The following PTPRD variants were observed in gnomAD, a reference collection of about 807,000 sequenced individuals.
The protein encoded by PTPRD is receptor-type tyrosine-protein phosphatase delta.
A neutral mutation model predicts 214.5 loss-of-function variants in PTPRD; 34 were observed. The observed-to-expected ratio is 0.16, with a 90% CI of 0.12 to 0.21. The LOEUF (loss-of-function observed/expected upper bound fraction) is 0.21. PTPRD is among the 10% of genes least tolerant of loss of function. The pLI is 1.00. For missense variants in PTPRD, 2,545 were observed against 2,398.7 expected (o/e 1.06, Z -1.27); for synonymous variants, 1,128 against 845.7 (o/e 1.33, Z -5.79).
At chr9:8,780,186 AT>A (rs1310482151) in intron 11 of PTPRD, among the ~76,000 whole-genome samples, 1 of 152,352 alleles carries the variant, frequency 6.6e-6, no homozygotes, top group Admixed American at 6.5e-5. Context: ...ACACAAAATT[AT>A]AAAGTATAAT....
intron 11 of PTPRD, among the ~76,000 whole-genome samples, chr9:8,992,074 C>G (rs1287923422): frequency 2.6e-5 from 4 of 152,176 alleles, no homozygotes; most frequent in Middle Eastern, 3.4e-3. Flanking sequence ...ATTTACCTTC[C>G]TTTAATAGTC....
intron 5 of PTPRD, among the ~76,000 whole-genome samples, chr9:9,823,789 C>G (rs753171695): frequency 3.3e-5 from 5 of 151,920 alleles, no homozygotes; most frequent in Non-Finnish European, 5.9e-5. Flanking sequence ...GAAATAAAAT[C>G]TAGTGTTCAG....
chr9:10,516,716 C>T (rs2050234721), intron 2 of PTPRD, among the ~76,000 whole-genome samples: 1 of 151,910 alleles, frequency 6.6e-6, no homozygotes, highest in Admixed American at 6.6e-5. Context: ...GTCTCATGTT[C>T]AACCCTTTAA....
chr9:9,282,175 G>A (rs972014980), intron 9 of PTPRD, among the ~76,000 whole-genome samples: 1 of 151,256 alleles, frequency 6.6e-6, no homozygotes, highest in Non-Finnish European at 1.5e-5. Flanking sequence ...TGTAATGGTG[G>A]ACACATGCCA....
intron 4 of PTPRD, among the ~76,000 whole-genome samples, chr9:10,018,931 T>A (rs906744400): frequency 1.3e-5 from 2 of 152,124 alleles, no homozygotes; most frequent in African/African-American, 4.8e-5. Flanking sequence ...ACAAATGGGA[T>A]CTAATTAAAC....
chr9:8,869,664 C>T (rs1339746241), intron 11 of PTPRD, among the ~76,000 whole-genome samples: 1 of 151,274 alleles, frequency 6.6e-6, no homozygotes, highest in Non-Finnish European at 1.5e-5. Flanking sequence ...CAGATTCTGG[C>T]ATTTCCTAAG....
chr9:8,823,646 T>C (rs532627821), intron 11 of PTPRD, among the ~76,000 whole-genome samples: 10 of 149,422 alleles, frequency 6.7e-5, no homozygotes, highest in African/African-American at 2.2e-4. Context: ...AGTGAGACCC[T>C]GTTTCAAAAA....
At chr9:9,434,386 T>C (rs1032927983) in intron 8 of PTPRD, among the ~76,000 whole-genome samples, 13 of 152,112 alleles carry the variant, frequency 8.5e-5, no homozygotes, top group Admixed American at 5.2e-4. Context: ...AATGGTAGGG[T>C]ATCCTGTGTT....
intron 8 of PTPRD, among the ~76,000 whole-genome samples, chr9:9,488,917 G>A (rs1321579142): frequency 6.6e-6 from 1 of 152,030 alleles, no homozygotes; most frequent in East Asian, 1.9e-4. Flanking sequence ...CCAAATATAT[G>A]GGATCTTTGC....
chr9:10,417,540 A>G (rs2098503688), intron 2 of PTPRD, among the ~76,000 whole-genome samples: 1 of 151,914 alleles, frequency 6.6e-6, no homozygotes, highest in Non-Finnish European at 1.5e-5. Flanking sequence ...TTAGCTTAAA[A>G]GAAACTAAAT....
chr9:10,283,885 C>G (rs1279029337), intron 3 of PTPRD, among the ~76,000 whole-genome samples: 1 of 152,132 alleles, frequency 6.6e-6, no homozygotes, highest in Non-Finnish European at 1.5e-5. Context: ...GACTAGAATT[C>G]ACAAGTCCTA....
intron 6 of PTPRD, among the ~76,000 whole-genome samples, chr9:9,735,523 T>G (rs2098277216): frequency 6.6e-6 from 1 of 152,088 alleles, no homozygotes; most frequent in African/African-American, 2.4e-5. Context: ...TGCATCTTAC[T>G]GTCAGAAAAT....
intron 9 of PTPRD, among the ~76,000 whole-genome samples, chr9:9,275,819 C>CTGTGTG (rs879644613): frequency 3.9e-4 from 58 of 147,444 alleles, no homozygotes; most frequent in African/African-American, 1.4e-3. Flanking sequence ...AGCGAAACAG[C>CTGTGTG]TGTGTGTGTG....
chr9:8,931,179 T>C (rs1445216217), intron 11 of PTPRD, among the ~76,000 whole-genome samples: 7 of 151,970 alleles, frequency 4.6e-5, no homozygotes, highest in Non-Finnish European at 1.0e-4. Flanking sequence ...TTTCTACATA[T>C]GCCTAGCCAG....
chr9:8,411,839 T>A (rs1017806119), intron 35 of PTPRD, among the ~76,000 whole-genome samples: 3 of 152,184 alleles, frequency 2.0e-5, no homozygotes, highest in Non-Finnish European at 4.4e-5. Flanking sequence ...ATCTTTGAAT[T>A]CTATATAGTT....
rs36233452 is a variant in PTPRD, at chr9:9,009,408, C to CTATTT, written c.-104+9284_-104+9288dup. 2.9e-3 allele frequency among the ~76,000 whole-genome samples: 443 copies of CTATTT among 151,444 alleles called. 2 individuals are homozygous for CTATTT. The highest frequency in any genetic ancestry group is 0.023 in the East Asian group (116 of 5,062). ...GCTCCACAAATTTCAGCAGTTCTTT[C>CTATTT]TATTTTATTTTATTTTATTTTATTT... On this transcript the variant is annotated intron_variant, in intron 11 of 45. Coordinates refer to ENST00000381196, the MANE Select transcript of PTPRD (RefSeq NM_002839.4).
rs1181403459 is a variant in PTPRD, at chr9:8,936,427, C to CAAAAAAAAAAAA, written c.-104+82258_-104+82269dup. Among the ~76,000 whole-genome samples, 138 of 31,542 alleles carry CAAAAAAAAAAAA rather than the reference C, an allele frequency of 4.4e-3. 10 individuals are homozygous for CAAAAAAAAAAAA. The highest frequency in any genetic ancestry group is 0.016 in the Admixed American group (22 of 1,386). The allele number at this position is 31,542 out of a possible 152,430, so 20.7% of individuals were successfully genotyped here. A position where few individuals can be genotyped will look rare whatever the true frequency, so the allele number is the denominator to read the frequency against. On this transcript the variant is annotated intron_variant, in intron 11 of 45. Transcript: ENST00000381196. The stretch of plus-strand genomic sequence containing the variant: ...AGGCAACAGAGCAAGACCCTGCCTC[C>CAAAAAAAAAAAA]AAAAAAAAAAAAAAAAAAAAAAAGA...
chr9:9,583,875 G>C (rs1261087330), intron 7 of PTPRD, among the ~76,000 whole-genome samples: 1 of 151,976 alleles, frequency 6.6e-6, no homozygotes, highest in African/African-American at 2.4e-5. Flanking sequence ...GGTGCCACTT[G>C]TCCCTTTCTA....
intron 5 of PTPRD, among the ~76,000 whole-genome samples, chr9:9,887,011 G>A (rs201498717): frequency 6.6e-6 from 1 of 151,938 alleles, no homozygotes; most frequent in Non-Finnish European, 1.5e-5. Flanking sequence ...AACCATGAGA[G>A]GCCATAAACT....
Sources: gnomAD v4.1 joint callset for allele counts (sites outside exome capture counted in the v4.1 genomes callset) on GRCh38, gnomAD v4.1.1 for gene constraint, MANE v1.5 for transcripts, NCBI Gene and HGNC (gene_info 2026-07-23, HGNC 2026-07-21) for gene names.